The following NEGR1 variants were observed in gnomAD, a reference collection of about 807,000 sequenced individuals.
NEGR1 encodes IgLON family member 4.
Under a neutral mutation model 40.9 loss-of-function variants are expected in NEGR1, and 10 were observed. The ratio of observed to expected loss-of-function variants is 0.24; its 90% confidence interval spans 0.15 to 0.42. The LOEUF (loss-of-function observed/expected upper bound fraction) is 0.42. Among genes scored for constraint, NEGR1 ranks in the 10% least tolerant of loss-of-function variants. The probability of loss-of-function intolerance (pLI) is 1.00; values close to 1 mark genes in which losing one functional copy is unlikely to be tolerated. For synonymous variants in NEGR1, 185 were observed against 166.8 expected, an observed-to-expected ratio of 1.11 and a Z score of -0.84; for missense variants, 352 against 438.9, an observed-to-expected ratio of 0.80 and a Z score of 1.77.
intron 4 of NEGR1, among the ~76,000 whole-genome samples, chr1:71,669,901 C>T (rs1175750844): frequency 6.6e-6 from 1 of 152,194 alleles, no homozygotes; most frequent in East Asian, 1.9e-4. Flanking sequence ...CCCACTTTGG[C>T]TTCCCAAAGT....
chr1:72,079,563 A>G (rs989496122), intron 1 of NEGR1, among the ~76,000 whole-genome samples: 3 of 152,154 alleles, frequency 2.0e-5, no homozygotes, highest in African/African-American at 7.2e-5. Context: ...TCTTAAGAAC[A>G]TGACAAGTAA....
At chr1:72,013,963 TA>T (rs1161156816) in intron 1 of NEGR1, among the ~76,000 whole-genome samples, 322 of 88,494 alleles carry the variant, frequency 3.6e-3, no homozygotes, top group Middle Eastern at 8.3e-3. Context: ...CTGTGAAAAA[TA>T]AAAAAAAAAA....
At chr1:71,602,462 G>T (rs1337642976) in intron 5 of NEGR1, among the ~76,000 whole-genome samples, 3 of 149,698 alleles carry the variant, frequency 2.0e-5, no homozygotes, top group Non-Finnish European at 4.4e-5. Flanking sequence ...CGTTTTAGCC[G>T]GGATGGTCTC....
chr1:71,932,407 A>G (rs980345243), intron 2 of NEGR1, among the ~76,000 whole-genome samples: 1 of 152,044 alleles, frequency 6.6e-6, no homozygotes, highest in Non-Finnish European at 1.5e-5. Context: ...GAGAGACTTA[A>G]TAATTGCCTA....
At chr1:71,708,796 T>A (rs1391702576) in intron 3 of NEGR1, among the ~76,000 whole-genome samples, 1 of 152,210 alleles carries the variant, frequency 6.6e-6, no homozygotes, top group Non-Finnish European at 1.5e-5. Flanking sequence ...TGCATCCATG[T>A]GTTCTCACAA....
intron 1 of NEGR1, among the ~76,000 whole-genome samples, chr1:72,259,605 A>G (rs1230971157): frequency 6.6e-6 from 1 of 152,150 alleles, no homozygotes; most frequent in Non-Finnish European, 1.5e-5. Context: ...AAGTTTTACT[A>G]GTGTATTATA....
At chr1:72,042,959 T>C (rs545144232) in intron 1 of NEGR1, among the ~76,000 whole-genome samples, 49 of 152,068 alleles carry the variant, frequency 3.2e-4, no homozygotes, top group African/African-American at 1.2e-3. Context: ...CTCTACAGAG[T>C]TGCATGTTTT....
chr1:72,232,274 T>C (rs1255905488), intron 1 of NEGR1, among the ~76,000 whole-genome samples: 1 of 151,878 alleles, frequency 6.6e-6, no homozygotes, highest in Non-Finnish European at 1.5e-5. Flanking sequence ...GGAGAATCAC[T>C]TGAACCCGGG....
chr1:72,090,361 T>G (rs1020970573), intron 1 of NEGR1, among the ~76,000 whole-genome samples: 15 of 141,786 alleles, frequency 1.1e-4, no homozygotes, highest in Non-Finnish European at 2.1e-4. Context: ...AATTCTTTTT[T>G]TCTTAAAAAA....
chr1:72,147,091 C>T (rs1035853625), intron 1 of NEGR1, among the ~76,000 whole-genome samples: 4 of 152,014 alleles, frequency 2.6e-5, no homozygotes, highest in Non-Finnish European at 4.4e-5. Context: ...CACATATGTG[C>T]GTCTTTGTGT....
intron 1 of NEGR1, among the ~76,000 whole-genome samples, chr1:71,950,984 G>A (rs2100272893): frequency 6.6e-6 from 1 of 151,950 alleles, no homozygotes; most frequent in South Asian, 2.1e-4. Flanking sequence ...TTTATCATAT[G>A]TGTGTCTTCA....
intron 4 of NEGR1, among the ~76,000 whole-genome samples, chr1:71,649,749 C>T (rs1027481364): frequency 6.6e-6 from 1 of 152,070 alleles, no homozygotes; most frequent in African/African-American, 2.4e-5. Flanking sequence ...ATTATGTTCT[C>T]CCTGGCAGAG....
intron 1 of NEGR1, among the ~76,000 whole-genome samples, chr1:72,244,290 C>T (rs766918487): frequency 2.0e-5 from 3 of 151,688 alleles, no homozygotes; most frequent in Admixed American, 1.3e-4. Context: ...GGTCAACTAT[C>T]GAAGAAATTA....
At chr1:71,881,693 G>A (rs1660588573) in intron 2 of NEGR1, among the ~76,000 whole-genome samples, 1 of 152,074 alleles carries the variant, frequency 6.6e-6, no homozygotes, top group African/African-American at 2.4e-5. Context: ...TGCTGTAAAT[G>A]TTTCCTGAAT....
intron 1 of NEGR1, among the ~76,000 whole-genome samples, chr1:72,166,571 T>C (rs1048391549): frequency 2.0e-5 from 3 of 152,090 alleles, no homozygotes; most frequent in African/African-American, 4.8e-5. Context: ...AATGTGGTAA[T>C]ATGCACACTG....
At chr1:71,945,210 C>A (rs987284778) in intron 1 of NEGR1, among the ~76,000 whole-genome samples, 1 of 152,028 alleles carries the variant, frequency 6.6e-6, no homozygotes, top group African/African-American at 2.4e-5. Flanking sequence ...TTAGTTTTCT[C>A]ACCTGTAAGA....
intron 1 of NEGR1, among the ~76,000 whole-genome samples, chr1:71,962,097 AAC>A (rs1646170173): frequency 6.6e-6 from 1 of 152,080 alleles, no homozygotes; most frequent in African/African-American, 2.4e-5. Context: ...AAAAAAATCC[AAC>A]ACAGTCTTAA....
At chr1:71,909,145 T>C (rs1661358228) in intron 2 of NEGR1, among the ~76,000 whole-genome samples, 1 of 152,178 alleles carries the variant, frequency 6.6e-6, no homozygotes, top group African/African-American at 2.4e-5. Context: ...TTCAGTTCTC[T>C]GTGGGCACAA....
chr1:72,193,971 G>A (rs1471014022), intron 1 of NEGR1, among the ~76,000 whole-genome samples: 1 of 151,592 alleles, frequency 6.6e-6, no homozygotes. Context: ...TAATGATCTT[G>A]ATCTAAGGTA....
Sources: gnomAD v4.1 joint callset for allele counts (sites outside exome capture counted in the v4.1 genomes callset) on GRCh38, gnomAD v4.1.1 for gene constraint, MANE v1.5 for transcripts, NCBI Gene and HGNC (gene_info 2026-07-23, HGNC 2026-07-21) for gene names.